FRMD3: variants seen among roughly 807,000 people sequenced by gnomAD.
FRMD3 encodes FERM domain-containing protein 3.
A neutral mutation model predicts 70.2 loss-of-function variants in FRMD3; 33 were observed. That is an observed-to-expected ratio of 0.47 (90% CI 0.36 to 0.63). FRMD3 has a LOEUF of 0.63. Among genes scored for constraint, FRMD3 ranks in the 20% least tolerant of loss-of-function variants. FRMD3 has a pLI of 0.00. For synonymous variants in FRMD3, 279 were observed against 255.9 expected (o/e 1.09, Z -0.86); for missense variants, 632 against 711.4 (o/e 0.89, Z 1.27).
chr9:83,421,708 G>GTATCAAA (rs1338486448), intron 1 of FRMD3, among the ~76,000 whole-genome samples: 2 of 152,170 alleles, frequency 1.3e-5, no homozygotes, highest in Non-Finnish European at 2.9e-5. Flanking sequence ...GCCAGCAGTT[G>GTATCAAA]CCAATGGCAG....
chr9:83,503,336 C>T (rs1025602182), intron 1 of FRMD3, among the ~76,000 whole-genome samples: 6 of 152,284 alleles, frequency 3.9e-5, no homozygotes, highest in Admixed American at 2.6e-4. Flanking sequence ...AAGCACAAGA[C>T]GGATTTCATG....
At chr9:83,523,764 T>C (rs1445208691) in intron 1 of FRMD3, among the ~76,000 whole-genome samples, 1 of 152,228 alleles carries the variant, frequency 6.6e-6, no homozygotes, top group Non-Finnish European at 1.5e-5. Flanking sequence ...TGTATAACTT[T>C]TCCTCTTTTT....
At chr9:83,272,422 G>A (rs1184763278) in intron 13 of FRMD3, among the ~76,000 whole-genome samples, 2 of 152,106 alleles carry the variant, frequency 1.3e-5, no homozygotes, top group African/African-American at 4.8e-5. Context: ...ATGTTGCCCA[G>A]GCTGGAGTGC....
intron 3 of FRMD3, among the ~76,000 whole-genome samples, chr9:83,356,183 ACTTT>A (rs1335704000): frequency 1.3e-5 from 2 of 151,652 alleles, no homozygotes; most frequent in Admixed American, 6.6e-5. Flanking sequence ...GGAAAAAGGG[ACTTT>A]CTTTCTATTT....
the FRMD3 span, among the ~76,000 whole-genome samples, chr9:83,547,505 GC>G: frequency 2.0e-5 from 3 of 151,588 alleles, no homozygotes; most frequent in African/African-American, 7.3e-5. Context: ...AAATATATAT[GC>G]CCCCAACAAT....
chr9:83,402,808 C>T (rs941208265), intron 1 of FRMD3, among the ~76,000 whole-genome samples: 1 of 151,614 alleles, frequency 6.6e-6, no homozygotes, highest in Non-Finnish European at 1.5e-5. Flanking sequence ...GTCTAAACCA[C>T]AGTAACACTC....
At chr9:83,375,479 A>C (rs1262402897) in intron 2 of FRMD3, among the ~76,000 whole-genome samples, 1 of 152,212 alleles carries the variant, frequency 6.6e-6, no homozygotes, top group Non-Finnish European at 1.5e-5. Context: ...TTCTTCCCCA[A>C]AGGGAGAGTC....
chr9:83,298,900 T>A, intron 11 of FRMD3, 84 bp from the exon 12 acceptor site: 1 of 1,326,664 alleles, frequency 7.5e-7, no homozygotes, highest in Non-Finnish European at 1.1e-6. Flanking sequence ...TTTGTTAACT[T>A]CACAGGTGTC....
chr9:83,357,164 G>GAA (rs1824374582), intron 3 of FRMD3, among the ~76,000 whole-genome samples: 1 of 129,022 alleles, frequency 7.8e-6, no homozygotes, highest in Non-Finnish European at 1.6e-5. Flanking sequence ...AACATACATG[G>GAA]AATATATATA....
intron 7 of FRMD3, among the ~76,000 whole-genome samples, chr9:83,313,216 G>A (rs1473021141): frequency 6.6e-6 from 1 of 152,148 alleles, no homozygotes; most frequent in Non-Finnish European, 1.5e-5. Flanking sequence ...ATCCTTGAGA[G>A]AAACACTGTC....
Position 83,247,453 on chromosome 9 carries a change from C to T in FRMD3, c.*465G>A. 1.0e-6 allele frequency: 1 copy of T among 979,362 alleles called. No homozygotes were observed. Among genetic ancestry groups the T allele is most frequent in the Non-Finnish European group, 1.2e-6 (1 of 827,336 alleles). The allele number at this position is 979,362 out of a possible 1,614,324, so 60.7% of individuals were successfully genotyped here. A position where few individuals can be genotyped will look rare whatever the true frequency, so the allele number is the denominator to read the frequency against. On this transcript the variant is annotated 3_prime_UTR_variant, in exon 14 of 14. Transcript: ENST00000304195. ...TAAAAATATTTTTAAAAAAACAGAA[C>T]CAAAAACCCAGCATAAATTTAGTTG...
At chr9:83,404,916 G>A (rs1416935450) in intron 1 of FRMD3, among the ~76,000 whole-genome samples, 1 of 152,198 alleles carries the variant, frequency 6.6e-6, no homozygotes, top group Non-Finnish European at 1.5e-5. Flanking sequence ...CAGGACACTG[G>A]TTTACTCTCT....
chr9:83,408,730 G>A (rs1171073613), intron 1 of FRMD3, among the ~76,000 whole-genome samples: 4 of 152,178 alleles, frequency 2.6e-5, no homozygotes, highest in Non-Finnish European at 5.9e-5. Flanking sequence ...CTGCCTCTCA[G>A]GTTGAGCCTT....
At chr9:83,489,017 C>T (rs868313907) in intron 1 of FRMD3, among the ~76,000 whole-genome samples, 59 of 54,302 alleles carry the variant, frequency 1.1e-3, no homozygotes, top group South Asian at 3.3e-3. Flanking sequence ...TGTGTGTGTG[C>T]TTGTGTGTGC....
intron 2 of FRMD3, among the ~76,000 whole-genome samples, chr9:83,380,197 G>A (rs1452521581): frequency 6.6e-6 from 1 of 152,168 alleles, no homozygotes; most frequent in Admixed American, 6.5e-5. Flanking sequence ...AAAGATCCCA[G>A]TTTGCAGAAT....
chr9:83,388,148 G>A (rs1392849956), intron 2 of FRMD3, among the ~76,000 whole-genome samples: 19 of 152,004 alleles, frequency 1.2e-4, no homozygotes, highest in Admixed American at 1.2e-3. Context: ...TATAAACTTG[G>A]GTCCCTAGGA....
chr9:83,520,344 AT>A (rs1829544602), intron 1 of FRMD3, among the ~76,000 whole-genome samples: 1 of 152,174 alleles, frequency 6.6e-6, no homozygotes, highest in African/African-American at 2.4e-5. Context: ...AAAATTTCTT[AT>A]AGTTTTGAAA....
chr9:83,271,052 A>C (rs1833532366), intron 13 of FRMD3, among the ~76,000 whole-genome samples: 1 of 152,190 alleles, frequency 6.6e-6, no homozygotes, highest in Non-Finnish European at 1.5e-5. Context: ...TGCTGAATGC[A>C]ATTTTCTATC....
At chr9:83,393,158 T>C (rs1825714530) in intron 1 of FRMD3, among the ~76,000 whole-genome samples, 1 of 152,180 alleles carries the variant, frequency 6.6e-6, no homozygotes, top group Non-Finnish European at 1.5e-5. Context: ...ACTGACAGGG[T>C]TGAAAGAATT....
Sources: gnomAD v4.1 joint callset for allele counts (sites outside exome capture counted in the v4.1 genomes callset) on GRCh38, gnomAD v4.1.1 for gene constraint, MANE v1.5 for transcripts, NCBI Gene and HGNC (gene_info 2026-07-23, HGNC 2026-07-21) for gene names.